Variants in PCDHGB7 observed in about 807,000 individuals in gnomAD.
PCDHGB7 encodes protocadherin gamma-B7.
Under a neutral mutation model 61.4 loss-of-function variants are expected in PCDHGB7, and 37 were observed. The ratio of observed to expected loss-of-function variants is 0.60; its 90% CI spans 0.46 to 0.79. PCDHGB7 has a LOEUF of 0.79. Among genes scored for constraint, PCDHGB7 ranks in the 30% least tolerant of loss-of-function variants. PCDHGB7 has a pLI of 0.00. For missense variants in PCDHGB7, 1,166 were observed against 1,202.5 expected (o/e 0.97, Z 0.45); for synonymous variants, 464 against 503.5 (o/e 0.92, Z 1.05).
Position 141,420,036 on chromosome 5 carries a change from G to A in PCDHGB7, c.2177G>A (p.Cys726Tyr), listed in dbSNP as rs1370492350. 1 of 1,614,078 alleles carries A rather than the reference G, an allele frequency of 6.2e-7. No individual in the cohort carries two copies. ...TCTTTCAGCCCTACTGCAGGAGACT[G>A]CTTTGAGTCAGTTCTCTGCTCCAAG... Reference protein sequence around the residue: ...RQSFSPTAGDCFESVLCSKSG... With the variant: ...RQSFSPTAGDYFESVLCSKSG... Residue 726 changes from cysteine to tyrosine, a missense_variant, in exon 1 of 4, where the codon TGC (cysteine) becomes TAC (tyrosine). Coordinates refer to ENST00000398594, the MANE Select transcript of PCDHGB7 (RefSeq NM_018927.4).
At position 141,459,533 on chromosome 5, in the gene PCDHGB7, A is replaced by AT. The variant is rs956234847; in HGVS notation, c.2416-35266dup. Among the ~76,000 whole-genome samples the AT allele has an allele frequency of 1.2e-4, 18 of 152,018 alleles. No homozygotes were observed. In the South Asian group the frequency reaches 2.3e-3, roughly 19 times the overall value. ...CATGTACAAGTATTTTTGTAGGCAT[A>AT]TTTTTTTTATTTCTCTTGGATAAAT... is the stretch of plus-strand genomic sequence containing the variant. On this transcript the variant is annotated intron_variant, in intron 1 of 3. Transcript: ENST00000398594.
chr5:141,451,809 A>C (rs1316571749), intron 1 of PCDHGB7, among the ~76,000 whole-genome samples: 1 of 150,308 alleles, frequency 6.7e-6, no homozygotes, highest in Non-Finnish European at 1.5e-5. Flanking sequence ...TGAACCCAGG[A>C]GGCGGAGGTT....
chr5:141,442,232 T>A (rs1303447766), intron 1 of PCDHGB7: 2 of 153,276 alleles, frequency 1.3e-5, no homozygotes, highest in Non-Finnish European at 2.9e-5. Context: ...TTCCTTTTTA[T>A]TCTTCCTGAT....
In PCDHGB7 at chr5:141,491,169, G is replaced by A. The variant is rs374498014; in HGVS notation, c.2416-3638G>A. The A allele has an allele frequency of 1.2e-6, 2 of 1,614,192 alleles. No homozygotes were observed. Among genetic ancestry groups the A allele is most frequent in the African/African-American group, 1.3e-5 (1 of 75,058 alleles). On this transcript the variant is annotated intron_variant, in intron 1 of 3. Transcript: ENST00000398594. The surrounding 1 kb of genome is among the most constrained non-coding windows in gnomAD (Gnocchi z 6.9). ...TGGAGGATGACTCTGACACCCAGCA[G>A]GTGGTGGTCCTGGTGAGGGACAATG...
Position 141,491,984 on chromosome 5 carries a change from C to G in PCDHGB7, c.2416-2823C>G. 1.4e-6 allele frequency: 1 copy of G among 734,256 alleles called. No homozygotes were observed. The highest frequency in any genetic ancestry group is 3.2e-5 in the East Asian group (1 of 31,678). The allele number at this position is 734,256 out of a possible 1,614,324, so 45.5% of individuals were successfully genotyped here. ...AAGGCCGGGGCCTCCTTCGAGCTTC[C>G]GGTGAATTTCGGGCGATTTCCGCGG... On this transcript the variant is annotated intron_variant, in intron 1 of 3. Coordinates refer to ENST00000398594, the MANE Select transcript of PCDHGB7 (RefSeq NM_018927.4). The surrounding 1 kb of genome is among the most constrained non-coding windows in gnomAD (Gnocchi z 6.9).
At chr5:141,456,647 C>G (rs773458307) in intron 1 of PCDHGB7, among the ~76,000 whole-genome samples, 2 of 152,152 alleles carry the variant, frequency 1.3e-5, no homozygotes, top group African/African-American at 4.8e-5. Context: ...AGGTGTTAAT[C>G]CCAAAGAAGC....
At chr5:141,456,918 G>C (rs535602842) in intron 1 of PCDHGB7, among the ~76,000 whole-genome samples, 49 of 152,124 alleles carry the variant, frequency 3.2e-4, no homozygotes, top group African/African-American at 1.2e-3. Context: ...AGCCGAGATC[G>C]CACCACTGCA....
At chr5:141,421,318 C>A (rs370020854) in intron 1 of PCDHGB7, 1 of 1,613,822 alleles carries the variant, frequency 6.2e-7, no homozygotes. Context: ...CCGGGCCAGG[C>A]AGATCCGATA....
chr5:141,467,781 C>T (rs2099151581), intron 1 of PCDHGB7, among the ~76,000 whole-genome samples: 1 of 152,228 alleles, frequency 6.6e-6, no homozygotes, highest in South Asian at 2.1e-4. Context: ...ACCTCAGCCT[C>T]TCAAGTAGCT....
At chr5:141,500,473 T>C (rs911171031) in intron 2 of PCDHGB7, among the ~76,000 whole-genome samples, 10 of 152,132 alleles carry the variant, frequency 6.6e-5, no homozygotes, top group Admixed American at 4.6e-4. Flanking sequence ...CCTCCCAAAG[T>C]GCTGGGATTA....
rs755916873 is a variant in PCDHGB7, at chr5:141,420,156, AT to A, written c.2303del (p.Phe768SerfsTer25). 6.2e-7 allele frequency: 1 copy of A among 1,613,990 alleles called. No homozygotes were observed. The highest frequency in any genetic ancestry group is 1.3e-5 in the African/African-American group (1 of 75,038). ...GGGGATCAAATGAATCCAGAATTTAATTTTTTCACATCTGTTGATCATTGTC... is the reference window on the plus strand; with the variant it reads ...GGGGATCAAATGAATCCAGAATTTAATTTTTCACATCTGTTGATCATTGTC... The part of the protein sequence containing the change: ...VPGDQMNPEF[N>X]FFTSVDHCPA... On this transcript the variant is annotated frameshift_variant, in exon 1 of 4. Coordinates refer to ENST00000398594, the MANE Select transcript of PCDHGB7 (RefSeq NM_018927.4). LOFTEE classifies it high-confidence loss of function.
intron 1 of PCDHGB7, chr5:141,478,628 T>G (rs1245431927): frequency 6.4e-7 from 1 of 1,553,704 alleles, no homozygotes; most frequent in African/African-American, 1.4e-5. Context: ...GAGCTGTTTT[T>G]TTAGTGATGA....
At chr5:141,509,169 T>C (rs1321257504) in intron 3 of PCDHGB7, among the ~76,000 whole-genome samples, 2 of 152,174 alleles carry the variant, frequency 1.3e-5, no homozygotes, top group African/African-American at 4.8e-5. Context: ...TGTGCCCTCC[T>C]CCTCTTATGC....
chr5:141,431,190 A>G lies in PCDHGB7; in HGVS notation c.2415+10916A>G, dbSNP rs1363655439. 1 of 1,614,228 alleles carries G rather than the reference A, an allele frequency of 6.2e-7. No homozygotes were observed. Among genetic ancestry groups the G allele is most frequent in the Non-Finnish European group, 8.5e-7 (1 of 1,180,038 alleles). ...AGTGAATTAGAAATAAAAATTAGTGAAAATGCAGCCACTGAGATGCGGTTC... is the reference window on the plus strand; with the variant it reads ...AGTGAATTAGAAATAAAAATTAGTGGAAATGCAGCCACTGAGATGCGGTTC... On this transcript the variant is annotated intron_variant, in intron 1 of 3. Transcript: ENST00000398594. This position sits in a 1 kb window ranked among gnomAD's most constrained non-coding sequence, Gnocchi z 4.8.
chr5:141,433,361 A>ATCTATCTATCTC, intron 1 of PCDHGB7: 1 of 297,578 alleles, frequency 3.4e-6, no homozygotes, highest in Non-Finnish European at 6.3e-6. Context: ...CTGTCTGCCT[A>ATCTATCTATCTC]TCTATCTATC....
At chr5:141,426,052 G>T (rs2096912121) in intron 1 of PCDHGB7, among the ~76,000 whole-genome samples, 1 of 152,162 alleles carries the variant, frequency 6.6e-6, no homozygotes, top group South Asian at 2.1e-4. Flanking sequence ...TGGCCAATGT[G>T]CTGCAAGAAC....
At chr5:141,452,065 T>A (rs185791618) in intron 1 of PCDHGB7, among the ~76,000 whole-genome samples, 1 of 152,332 alleles carries the variant, frequency 6.6e-6, no homozygotes, top group Non-Finnish European at 1.5e-5. Flanking sequence ...TTATTCTACT[T>A]TTATTAGTTG....
In PCDHGB7 at chr5:141,511,188, C is replaced by A; in HGVS notation, c.*15C>A. 1 of 1,613,804 alleles carries A rather than the reference C, an allele frequency of 6.2e-7. No homozygotes were observed. ...AGAAGAAGTAACATGGAGGCCAGGC[C>A]AAGAGCCACAGGGCGGCCTCTCCCC... On this transcript the variant is annotated 3_prime_UTR_variant, in exon 4 of 4. Transcript: ENST00000398594.
At chr5:141,496,249 A>G (rs1385823714) in intron 2 of PCDHGB7, among the ~76,000 whole-genome samples, 1 of 152,078 alleles carries the variant, frequency 6.6e-6, no homozygotes, top group East Asian at 1.9e-4. Context: ...GCTGAAGGGG[A>G]GGGAAACTTC....
Sources: gnomAD v4.1 joint callset for allele counts (sites outside exome capture counted in the v4.1 genomes callset) on GRCh38, gnomAD v4.1.1 for gene constraint, Gnocchi (gnomAD v3.1) non-coding constraint, MANE v1.5 for transcripts, NCBI Gene and HGNC (gene_info 2026-07-23, HGNC 2026-07-21) for gene names.